EYA1: variants seen among roughly 807,000 people sequenced by gnomAD.
EYA1 encodes the protein EYA transcriptional coactivator and phosphatase 1, also known as protein phosphatase EYA1.
EYA1 carries 16 observed loss-of-function variants against 82.0 expected under a neutral mutation model. That is an observed-to-expected ratio of 0.20 (90% CI 0.13 to 0.30). The LOEUF (loss-of-function observed/expected upper bound fraction) is 0.30, where lower values mean the gene tolerates loss of function less well. Among genes scored for constraint, EYA1 ranks in the 10% least tolerant of loss-of-function variants. The pLI, the probability that EYA1 is intolerant of heterozygous loss-of-function variation, is 1.00. For missense variants in EYA1, 633 were observed against 730.7 expected, an observed-to-expected ratio of 0.87 and a Z score of 1.54; for synonymous variants, 261 against 264.4, an observed-to-expected ratio of 0.99 and a Z score of 0.12.
At chr8:71,448,087 C>T (rs1301260055) in intron 2 of EYA1, among the ~76,000 whole-genome samples, 1 of 143,144 alleles carries the variant, frequency 7.0e-6, no homozygotes, top group East Asian at 2.3e-4. Flanking sequence ...CAACCTACGC[C>T]TTCCAGGTTC....
upstream of EYA1, among the ~76,000 whole-genome samples, chr8:71,365,500 T>C (rs1303817172): frequency 1.3e-5 from 2 of 152,194 alleles, no homozygotes; most frequent in Non-Finnish European, 2.9e-5. Flanking sequence ...TCCCACTCAT[T>C]ATTTCTTCCA....
At chr8:71,200,993 T>G in intron 17 of EYA1, among the ~76,000 whole-genome samples, 1 of 143,204 alleles carries the variant, frequency 7.0e-6, no homozygotes, top group Non-Finnish European at 1.5e-5. Flanking sequence ...CAGAAAATAA[T>G]GGAGAAATTC....
At chr8:71,426,043 A>G (rs936042456) in intron 2 of EYA1, among the ~76,000 whole-genome samples, 1 of 152,190 alleles carries the variant, frequency 6.6e-6, no homozygotes, top group Non-Finnish European at 1.5e-5. Context: ...TAAGCAAGGA[A>G]TGAAATATAA....
intron 2 of EYA1, among the ~76,000 whole-genome samples, chr8:71,510,901 T>C (rs1283641447): frequency 1.3e-5 from 2 of 152,250 alleles, no homozygotes; most frequent in Admixed American, 1.3e-4. Context: ...AGATCTTTCT[T>C]TCTTTGAAAT....
At chr8:71,215,535 CTG>C (rs1354568637) in intron 15 of EYA1, 27 bp from the exon 16 acceptor site, 1 of 1,612,780 alleles carries the variant, frequency 6.2e-7, no homozygotes, top group Admixed American at 1.7e-5. Context: ...AAAACAAAGA[CTG>C]TTGAAAAATA....
intron 2 of EYA1, among the ~76,000 whole-genome samples, chr8:71,389,428 T>C (rs1829147705): frequency 6.6e-6 from 1 of 152,148 alleles, no homozygotes; most frequent in African/African-American, 2.4e-5. Context: ...CTGAAATTCA[T>C]TAGAAATATT....
intron 3 of EYA1, among the ~76,000 whole-genome samples, chr8:71,342,264 G>T (rs1203669206): frequency 6.6e-6 from 1 of 152,074 alleles, no homozygotes; most frequent in Non-Finnish European, 1.5e-5. Context: ...ACTATTCAGG[G>T]TCCTCCACAG....
chr8:71,455,876 T>C (rs1396139901), intron 2 of EYA1, among the ~76,000 whole-genome samples: 1 of 152,136 alleles, frequency 6.6e-6, no homozygotes, highest in African/African-American at 2.4e-5. Context: ...TCACCACTCC[T>C]ATTCAACATA....
At chr8:71,397,936 T>C (rs954622057) in intron 2 of EYA1, among the ~76,000 whole-genome samples, 2 of 152,204 alleles carry the variant, frequency 1.3e-5, no homozygotes, top group African/African-American at 2.4e-5. Context: ...CAATCAGACA[T>C]AGATTTGGTG....
chr8:71,497,847 T>C (rs1358627232), intron 2 of EYA1, among the ~76,000 whole-genome samples: 2 of 152,166 alleles, frequency 1.3e-5, no homozygotes, highest in South Asian at 2.1e-4. Flanking sequence ...ATTTTTAAAA[T>C]TGTGGTATAT....
intron 12 of EYA1, among the ~76,000 whole-genome samples, chr8:71,243,947 C>T (rs1050817040): frequency 1.3e-5 from 2 of 152,160 alleles, no homozygotes; most frequent in African/African-American, 2.4e-5. Context: ...CAGAAGAGAA[C>T]GAAATGTAGT....
intron 9 of EYA1, among the ~76,000 whole-genome samples, chr8:71,291,737 C>T (rs973127250): frequency 1.3e-5 from 2 of 152,124 alleles, no homozygotes; most frequent in Admixed American, 1.3e-4. Context: ...TCTTGATTAA[C>T]TTAATGATAC....
At chr8:71,261,085 G>C (rs1174183011) in intron 11 of EYA1, among the ~76,000 whole-genome samples, 1 of 151,986 alleles carries the variant, frequency 6.6e-6, no homozygotes, top group Non-Finnish European at 1.5e-5. Context: ...CTGCCCACAA[G>C]GAAAGGATTA....
intron 11 of EYA1, among the ~76,000 whole-genome samples, chr8:71,250,654 G>A (rs1321755608): frequency 2.0e-5 from 3 of 152,112 alleles, no homozygotes; most frequent in African/African-American, 7.2e-5. Context: ...TTTCTATTTC[G>A]TGTAGAATGT....
chr8:71,439,581 T>G (rs970779703), intron 2 of EYA1, among the ~76,000 whole-genome samples: 3 of 152,240 alleles, frequency 2.0e-5, no homozygotes, highest in African/African-American at 7.2e-5. Flanking sequence ...ATTGGGCTCC[T>G]CCATAATTTC....
intron 2 of EYA1, among the ~76,000 whole-genome samples, chr8:71,469,174 A>G (rs1026213680): frequency 6.6e-6 from 1 of 152,060 alleles, no homozygotes; most frequent in Non-Finnish European, 1.5e-5. Context: ...AGTAAAAAAA[A>G]AATCTGTCCT....
chr8:71,301,120 T>G (rs1303333512), intron 7 of EYA1, among the ~76,000 whole-genome samples: 1 of 152,212 alleles, frequency 6.6e-6, no homozygotes, highest in Non-Finnish European at 1.5e-5. Context: ...CTCTTCAATG[T>G]GAACTCACTA....
rs575582980 is a variant in EYA1 at position 71,328,412 on chromosome 8, C to A, written c.202+5685G>T. On this transcript the variant is annotated intron_variant, in intron 4 of 17. Transcript: ENST00000340726. The stretch of plus-strand genomic sequence containing the variant: ...ATGCCTTCACCCAGCCCCCTCAGCT[C>A]TCCTGATTCTTTCCGCTGTATTCAA... Among the ~76,000 whole-genome samples, 24 of 152,292 alleles carry A rather than the reference C, an allele frequency of 1.6e-4. No individual in the cohort carries two copies. The South Asian group carries it at 4.8e-3, about 30-fold the overall frequency.
chr8:71,484,818 C>G (rs983683356), intron 2 of EYA1, among the ~76,000 whole-genome samples: 1 of 152,240 alleles, frequency 6.6e-6, no homozygotes, highest in South Asian at 2.1e-4. Context: ...TGTCTTACCA[C>G]CCTCCTTCCA....
Sources: allele counts gnomAD v4.1 joint callset (sites outside exome capture counted in the v4.1 genomes callset), GRCh38; gene constraint gnomAD v4.1.1; transcripts MANE v1.5; gene names NCBI Gene and HGNC (gene_info 2026-07-23, HGNC 2026-07-21).